The following AGBL4 variants were observed in gnomAD, a reference collection of about 807,000 sequenced individuals.
AGBL4 encodes cytosolic carboxypeptidase 6.
A neutral mutation model predicts 66.4 loss-of-function variants in AGBL4; 58 were observed. The ratio of observed to expected loss-of-function variants is 0.87; its 90% CI spans 0.71 to 1.09. AGBL4 has a LOEUF of 1.09. Among genes scored for constraint, AGBL4 ranks in the 50% least tolerant of loss-of-function variants. The probability of loss-of-function intolerance (pLI) is 0.00; values close to 1 mark genes in which losing one functional copy is unlikely to be tolerated. For synonymous variants in AGBL4, 234 were observed against 222.9 expected, an observed-to-expected ratio of 1.05 and a Z score of -0.44; for missense variants, 579 against 631.0, an observed-to-expected ratio of 0.92 and a Z score of 0.88.
At chr1:49,145,678 C>T (rs1351515813) in intron 4 of AGBL4, among the ~76,000 whole-genome samples, 1 of 152,064 alleles carries the variant, frequency 6.6e-6, no homozygotes, top group Non-Finnish European at 1.5e-5. Flanking sequence ...GAGTAAGAAC[C>T]TCGACTTCAC....
intron 5 of AGBL4, among the ~76,000 whole-genome samples, chr1:48,976,855 A>G (rs1659379581): frequency 6.6e-6 from 1 of 151,780 alleles, no homozygotes; most frequent in South Asian, 2.1e-4. Flanking sequence ...CTAAAGTTGC[A>G]ACACTCTTTC....
At chr1:49,293,643 T>C (rs960905326) in intron 3 of AGBL4, among the ~76,000 whole-genome samples, 12 of 152,208 alleles carry the variant, frequency 7.9e-5, no homozygotes, top group African/African-American at 2.2e-4. Context: ...TGTAATTCTA[T>C]TGACAACTTT....
chr1:49,314,482 T>C (rs1393760587), intron 3 of AGBL4, among the ~76,000 whole-genome samples: 1 of 152,056 alleles, frequency 6.6e-6, no homozygotes, highest in African/African-American at 2.4e-5. Flanking sequence ...ACATGTGGTG[T>C]TTGATTTTCT....
At chr1:48,602,637 A>C (rs1645090198) in intron 9 of AGBL4, among the ~76,000 whole-genome samples, 1 of 152,208 alleles carries the variant, frequency 6.6e-6, no homozygotes, top group African/African-American at 2.4e-5. Flanking sequence ...CGAGGGTGCC[A>C]ACATTCATGC....
chr1:49,249,980 A>G (rs542093493), intron 3 of AGBL4, among the ~76,000 whole-genome samples: 1 of 152,370 alleles, frequency 6.6e-6, no homozygotes, highest in Non-Finnish European at 1.5e-5. Flanking sequence ...GCATAGAAAG[A>G]TAAATATTGC....
intron 3 of AGBL4, among the ~76,000 whole-genome samples, chr1:49,694,917 C>A (rs775273747): frequency 1.3e-5 from 2 of 152,038 alleles, no homozygotes; most frequent in Non-Finnish European, 2.9e-5. Flanking sequence ...TAAAGATAAT[C>A]TTTATAGACA....
At chr1:49,197,854 T>C (rs1393377317) in intron 4 of AGBL4, among the ~76,000 whole-genome samples, 1 of 152,178 alleles carries the variant, frequency 6.6e-6, no homozygotes, top group Non-Finnish European at 1.5e-5. Flanking sequence ...CATTTCTTGG[T>C]TCTGGCTGTG....
At chr1:49,875,342 T>G (rs1343480794) in intron 1 of AGBL4, among the ~76,000 whole-genome samples, 1 of 108,816 alleles carries the variant, frequency 9.2e-6, no homozygotes, top group Non-Finnish European at 1.8e-5. Context: ...GAGTGTGATA[T>G]TCCCCTTCCT....
intron 1 of AGBL4, among the ~76,000 whole-genome samples, chr1:49,988,033 A>G (rs541297765): frequency 5.3e-5 from 8 of 151,950 alleles, no homozygotes; most frequent in Middle Eastern, 3.4e-3. Context: ...AGGGAAGAAA[A>G]GTTTATAGGA....
At chr1:48,546,254 T>C (rs916438327) in intron 11 of AGBL4, among the ~76,000 whole-genome samples, 5 of 152,258 alleles carry the variant, frequency 3.3e-5, no homozygotes, top group East Asian at 1.9e-4. Flanking sequence ...TCTCGTGGCT[T>C]GAATGTAACA....
At position 48,920,733 on chromosome 1, in the gene AGBL4, G is replaced by A. The variant is rs71647722; in HGVS notation, c.595-53503C>T. ...GGTGTACCCAGCTGCCTGTGCTTCCGCATGTTGGAAACTATCCCTCCAAGT... is the reference window on the plus strand; with the variant it reads ...GGTGTACCCAGCTGCCTGTGCTTCCACATGTTGGAAACTATCCCTCCAAGT... On this transcript the variant is annotated intron_variant, in intron 5 of 13. Transcript: ENST00000371839. 4.7e-3 allele frequency among the ~76,000 whole-genome samples: 720 copies of A among 152,226 alleles called. 3 individuals carry two copies. The highest frequency in any genetic ancestry group is 0.014 in the Middle Eastern group (4 of 294).
intron 6 of AGBL4, among the ~76,000 whole-genome samples, chr1:48,714,340 C>G (rs1462894622): frequency 6.6e-6 from 1 of 152,156 alleles, no homozygotes; most frequent in African/African-American, 2.4e-5. Context: ...TCTTCAGTCC[C>G]CTCCCAGCCA....
At chr1:49,160,964 C>G (rs1168330941) in intron 4 of AGBL4, among the ~76,000 whole-genome samples, 1 of 152,184 alleles carries the variant, frequency 6.6e-6, no homozygotes, top group Non-Finnish European at 1.5e-5. Flanking sequence ...AATTTTAAGC[C>G]AGTGGCTTTT....
intron 3 of AGBL4, among the ~76,000 whole-genome samples, chr1:49,449,454 T>C (rs1646229806): frequency 1.3e-5 from 2 of 152,020 alleles, no homozygotes; most frequent in African/African-American, 2.4e-5. Context: ...AATTGGAACA[T>C]GTGTGTCCAT....
chr1:49,351,422 A>C (rs968375881), intron 3 of AGBL4, among the ~76,000 whole-genome samples: 1 of 152,064 alleles, frequency 6.6e-6, no homozygotes, highest in Non-Finnish European at 1.5e-5. Context: ...AAATATAGGG[A>C]GTATACTCTC....
intron 2 of AGBL4, among the ~76,000 whole-genome samples, chr1:49,713,420 T>C (rs1647826765): frequency 6.6e-6 from 1 of 152,076 alleles, no homozygotes; most frequent in Non-Finnish European, 1.5e-5. Flanking sequence ...TCTATACAAT[T>C]CATTGACAGA....
intron 3 of AGBL4, among the ~76,000 whole-genome samples, chr1:49,661,569 C>T: frequency 6.6e-6 from 1 of 152,274 alleles, no homozygotes; most frequent in African/African-American, 2.4e-5. Flanking sequence ...GAAGCCTCAT[C>T]AGAAGCAAAT....
intron 2 of AGBL4, chr1:49,846,285 T>C (rs1270258221): frequency 1.5e-5 from 23 of 1,502,716 alleles, no homozygotes; most frequent in Non-Finnish European, 2.1e-5. Flanking sequence ...AGCACCCACC[T>C]CACACAGCAC....
At chr1:49,064,247 C>A (rs780139433) in intron 4 of AGBL4, among the ~76,000 whole-genome samples, 8 of 152,156 alleles carry the variant, frequency 5.3e-5, no homozygotes, top group Non-Finnish European at 1.0e-4. Context: ...ACATCTATTT[C>A]CTCTTCTCAA....
Sources: gnomAD v4.1 joint callset for allele counts (sites outside exome capture counted in the v4.1 genomes callset) on GRCh38, gnomAD v4.1.1 for gene constraint, MANE v1.5 for transcripts, NCBI Gene and HGNC (gene_info 2026-07-23, HGNC 2026-07-21) for gene names.